The following LRP6 variants were observed in gnomAD, a reference collection of about 807,000 sequenced individuals.
LRP6 encodes LDL receptor related protein 6.
In LRP6, 43 loss-of-function variants were observed where a neutral mutation model predicts 184.1. The ratio of observed to expected loss-of-function variants is 0.23; its 90% CI spans 0.18 to 0.30. The LOEUF (loss-of-function observed/expected upper bound fraction) is 0.30, where lower values mean the gene tolerates loss of function less well. LRP6 is among the 10% of genes least tolerant of loss of function. The pLI is 1.00. For synonymous variants in LRP6, 719 were observed against 684.9 expected (o/e 1.05, Z -0.78); for missense variants, 1,571 against 2,005.3 (o/e 0.78, Z 4.14).
chr12:12,128,308 C>T (rs1734842175), intron 19 of LRP6, among the ~76,000 whole-genome samples: 2 of 152,212 alleles, frequency 1.3e-5, no homozygotes, highest in African/African-American at 4.8e-5. Flanking sequence ...TTCTCTGCTT[C>T]CTTTGTTGGC....
At chr12:12,180,537 G>A (rs1358243663) in intron 6 of LRP6, among the ~76,000 whole-genome samples, 1 of 151,930 alleles carries the variant, frequency 6.6e-6, no homozygotes, top group Non-Finnish European at 1.5e-5. Flanking sequence ...GTAAAAAGTT[G>A]TACTTCCCTG....
Position 12,126,853 on chromosome 12 carries a change from T to C in LRP6, c.4150A>G (p.Ile1384Val). Residue 1384 changes from isoleucine to valine, a missense_variant, in exon 20 of 23, where the codon ATT becomes GTT. Ile to Val is a conservative substitution (Grantham distance 29). This residue lies in a region of LRP6 where 763 missense variants were observed against 859.5 expected (regional missense o/e 0.89). Transcript: ENST00000261349. ...AAGTATACAGTTCCAGACACAAAAATGGTGACAATTACGCCAATAACAGAA... is the reference window on the plus strand; with the variant it reads ...AAGTATACAGTTCCAGACACAAAAACGGTGACAATTACGCCAATAACAGAA... ...VGSVIGVIVTIFVSGTVYFIC... is the reference protein window; with the variant it reads ...VGSVIGVIVTVFVSGTVYFIC... 6.2e-7 allele frequency: 1 copy of C among 1,614,108 alleles called. No individual in the cohort carries two copies. The highest frequency in any genetic ancestry group is 8.5e-7 in the Non-Finnish European group (1 of 1,179,984).
intron 15 of LRP6, among the ~76,000 whole-genome samples, chr12:12,142,464 C>T (rs1050510400): frequency 6.6e-6 from 1 of 151,736 alleles, no homozygotes; most frequent in Non-Finnish European, 1.5e-5. Flanking sequence ...GGATGCAATT[C>T]GCTATAAAAG....
chr12:12,257,968 C>CA (rs1172116150), intron 1 of LRP6, among the ~76,000 whole-genome samples: 1,573 of 65,030 alleles, frequency 0.024, 8 homozygotes, highest in Admixed American at 0.032. Context: ...GACCCTGTCT[C>CA]AAAAAAAAAA....
At chr12:12,200,021 A>G (rs76138617) in intron 3 of LRP6, among the ~76,000 whole-genome samples, 8,466 of 148,704 alleles carry the variant, frequency 0.057, 264 homozygotes, top group Middle Eastern at 0.15. Context: ...ATCCAGAGGT[A>G]TATAGGCCAA....
intron 1 of LRP6, among the ~76,000 whole-genome samples, chr12:12,261,638 C>T (rs377553780): frequency 2.0e-4 from 30 of 152,048 alleles, no homozygotes; most frequent in African/African-American, 5.3e-4. Context: ...AAGTTAAAAC[C>T]GGTCTCTTTA....
At chr12:12,220,093 G>A (rs1025002221) in intron 2 of LRP6, among the ~76,000 whole-genome samples, 2 of 152,002 alleles carry the variant, frequency 1.3e-5, no homozygotes, top group African/African-American at 4.8e-5. Context: ...TAAGAGACCA[G>A]ACAGGCCAAC....
At chr12:12,135,136 T>C in intron 17 of LRP6, 39 bp downstream of exon 17, 3 of 1,613,196 alleles carry the variant, frequency 1.9e-6, no homozygotes, top group Non-Finnish European at 1.7e-6. Context: ...GGAATATGTT[T>C]GCATTTAGGG....
intron 1 of LRP6, among the ~76,000 whole-genome samples, chr12:12,250,580 C>CAG (rs1460752264): frequency 2.0e-5 from 3 of 152,010 alleles, no homozygotes; most frequent in African/African-American, 7.3e-5. Flanking sequence ...ATGCCTACTA[C>CAG]AGTTCACTGC....
At chr12:12,155,570 A>G (rs750625341) in intron 12 of LRP6, 58 of 741,022 alleles carry the variant, frequency 7.8e-5, no homozygotes, top group Non-Finnish European at 1.4e-4. Context: ...GAGCCGAGAT[A>G]GCTTCCTAAA....
intron 3 of LRP6, among the ~76,000 whole-genome samples, chr12:12,199,964 CAAAAAAAAA>C (rs146224493): frequency 1.8e-4 from 8 of 45,198 alleles, no homozygotes; most frequent in African/African-American, 7.8e-4. Flanking sequence ...GACTCCATCT[CAAAAAAAAA>C]AAAAAAAAAA....
chr12:12,187,696 C>A (rs990845884), intron 3 of LRP6, among the ~76,000 whole-genome samples: 27 of 152,122 alleles, frequency 1.8e-4, no homozygotes, highest in African/African-American at 6.5e-4. Flanking sequence ...GCACTCTCCC[C>A]GCAAACCCCA....
At chr12:12,261,456 A>G (rs1276464369) in intron 1 of LRP6, among the ~76,000 whole-genome samples, 1 of 152,174 alleles carries the variant, frequency 6.6e-6, no homozygotes, top group African/African-American at 2.4e-5. Context: ...CCTTCTGATA[A>G]TAACAAGCTA....
In LRP6 at chr12:12,132,658, T is replaced by C. The variant is rs1436312812; in HGVS notation, c.3734-601A>G. Reference sequence around the variant, plus strand: ...ACTATACACAGCCACATGTGCACAGTTTAAACAAACACACAAAAAGACCAA... The same window carrying C: ...ACTATACACAGCCACATGTGCACAGCTTAAACAAACACACAAAAAGACCAA... On this transcript the variant is annotated intron_variant, in intron 17 of 22. Coordinates refer to ENST00000261349, the MANE Select transcript of LRP6 (RefSeq NM_002336.3). 2.0e-5 allele frequency among the ~76,000 whole-genome samples: 3 copies of C among 152,180 alleles called. No individual in the cohort carries two copies. In the East Asian group the frequency reaches 5.8e-4, roughly 29 times the overall value.
At position 12,150,915 on chromosome 12, in the gene LRP6, T is replaced by G. The variant is rs772441071; in HGVS notation, c.2915A>C (p.Tyr972Ser). Residue 972 changes from tyrosine (Y) to serine (S), a missense_variant, in exon 13 of 23, where the codon TAT becomes TCT. Physicochemically the swap from Tyr to Ser is moderately radical, Grantham distance 144. Around this residue, in one of 4 missense-constraint regions of LRP6, gnomAD observed 763 missense variants for 859.5 expected, o/e 0.89. Transcript: ENST00000261349. ...ATAGAGTTGCTTGTCCAGTGGGTCATAGTCAATGGCCCGGACATTCCGAAG... is the reference window on the plus strand; with the variant it reads ...ATAGAGTTGCTTGTCCAGTGGGTCAGAGTCAATGGCCCGGACATTCCGAAG... The part of the protein sequence containing the change: ...HSLRNVRAID[Y>S]DPLDKQLYWI... 1 of 1,614,172 alleles carries G rather than the reference T, an allele frequency of 6.2e-7. No individual in the cohort carries two copies. Among genetic ancestry groups the G allele is most frequent in the Admixed American group, 1.7e-5 (1 of 60,018 alleles).
intron 3 of LRP6, among the ~76,000 whole-genome samples, chr12:12,190,555 T>G (rs967324404): frequency 3.9e-5 from 6 of 152,220 alleles, no homozygotes; most frequent in Admixed American, 2.0e-4. Context: ...TTGCTAGCTC[T>G]TTGAGATTCT....
At chr12:12,156,791 T>C (rs1453167352) in intron 12 of LRP6, among the ~76,000 whole-genome samples, 1 of 152,246 alleles carries the variant, frequency 6.6e-6, no homozygotes, top group East Asian at 1.9e-4. Flanking sequence ...CTTACCTCTC[T>C]GGTTGCTACT....
rs116978279 is a variant in LRP6 at position 12,162,560 on chromosome 12, A to G, written c.2053-141T>C. ...ACTATTTCCTATTAAAATTCACATA[A>G]CTTGCAAGCACAGAAAAATTTGATG... On this transcript the variant is annotated intron_variant, in intron 9 of 22. Transcript: ENST00000261349. 1.9e-3 allele frequency: 1,360 copies of G among 700,448 alleles called. 5 individuals carry two copies. The highest frequency in any genetic ancestry group is 7.5e-3 in the East Asian group (284 of 37,700). The allele number at this position is 700,448 out of a possible 1,614,324, so 43.4% of individuals were successfully genotyped here. A position where few individuals can be genotyped will look rare whatever the true frequency, so the allele number is the denominator to read the frequency against.
intron 3 of LRP6, among the ~76,000 whole-genome samples, chr12:12,195,797 T>A (rs1484408477): frequency 6.6e-6 from 1 of 152,172 alleles, no homozygotes; most frequent in Non-Finnish European, 1.5e-5. Flanking sequence ...CCTCTATGGT[T>A]TCCTCTAGCA....
Sources: gnomAD v4.1 joint callset for allele counts (sites outside exome capture counted in the v4.1 genomes callset) on GRCh38, gnomAD v4.1.1 for gene constraint, gnomAD v4.1.1 regional missense constraint, MANE v1.5 for transcripts, NCBI Gene and HGNC (gene_info 2026-07-23, HGNC 2026-07-21) for gene names.